Variants in NOX4 observed in about 807,000 individuals in gnomAD.
NOX4 encodes the protein NADPH oxidase 4, also known as kidney oxidase-1.
NOX4 carries 69 observed loss-of-function variants against 87.6 expected under a neutral mutation model. The ratio of observed to expected loss-of-function variants is 0.79; its 90% CI spans 0.65 to 0.96. The LOEUF (loss-of-function observed/expected upper bound fraction) is 0.96. Among genes scored for constraint, NOX4 ranks in the 40% least tolerant of loss-of-function variants. The pLI, the probability that NOX4 is intolerant of heterozygous loss-of-function variation, is 0.00. For synonymous variants in NOX4, 275 were observed against 238.2 expected (o/e 1.15, Z -1.42); for missense variants, 680 against 681.5 (o/e 1.00, Z 0.02).
chr11:89,484,831 T>C (rs1252600578), intron 2 of NOX4, among the ~76,000 whole-genome samples: 1 of 151,968 alleles, frequency 6.6e-6, no homozygotes, highest in Non-Finnish European at 1.5e-5. Flanking sequence ...ATAAGCAAAA[T>C]AACACTCATC....
chr11:89,409,052 G>A (rs541383835), intron 8 of NOX4, among the ~76,000 whole-genome samples: 1 of 151,684 alleles, frequency 6.6e-6, no homozygotes, highest in African/African-American at 2.4e-5. Context: ...CTGTTCCTCT[G>A]TACTTCACGG....
At chr11:89,482,310 C>T (rs1946424327) in intron 2 of NOX4, among the ~76,000 whole-genome samples, 1 of 152,018 alleles carries the variant, frequency 6.6e-6, no homozygotes, top group African/African-American at 2.4e-5. Context: ...AAAATGCATG[C>T]TTAGCTTCCA....
At chr11:89,357,113 G>A (rs1408231947) in intron 12 of NOX4, among the ~76,000 whole-genome samples, 3 of 152,070 alleles carry the variant, frequency 2.0e-5, no homozygotes, top group South Asian at 2.1e-4. Flanking sequence ...TTTGGAATAC[G>A]GCAGTCACAA....
intron 12 of NOX4, among the ~76,000 whole-genome samples, chr11:89,368,926 C>CT (rs1565205079): frequency 2.0e-5 from 3 of 151,950 alleles, no homozygotes; most frequent in African/African-American, 7.3e-5. Context: ...GCCTCTTAAA[C>CT]TTTTTAAAGA....
chr11:89,389,574 G>T (rs1177363171), intron 11 of NOX4, among the ~76,000 whole-genome samples: 1 of 152,148 alleles, frequency 6.6e-6, no homozygotes, highest in African/African-American at 2.4e-5. Flanking sequence ...GAGCTTAGTA[G>T]TATGGACAAT....
At chr11:89,479,009 T>C (rs78858546) in intron 2 of NOX4, among the ~76,000 whole-genome samples, 9 of 142,196 alleles carry the variant, frequency 6.3e-5, no homozygotes, top group African/African-American at 2.3e-4. Context: ...TGTTTCATCT[T>C]AAAAAAAAAA....
At chr11:89,426,112 T>C (rs1213520101) in intron 7 of NOX4, among the ~76,000 whole-genome samples, 2 of 152,172 alleles carry the variant, frequency 1.3e-5, no homozygotes, top group Non-Finnish European at 2.9e-5. Flanking sequence ...AGAATCAATA[T>C]GAATGCAGAT....
Position 89,326,729 on chromosome 11 carries a change from T to C in NOX4, c.*27A>G, listed in dbSNP as rs761654083. 35 of 1,607,346 alleles carry C rather than the reference T, an allele frequency of 2.2e-5. No individual in the cohort carries two copies. The highest frequency in any genetic ancestry group is 1.7e-4 in the Middle Eastern group (1 of 6,032). On this transcript the variant is annotated 3_prime_UTR_variant, in exon 18 of 18. Transcript: ENST00000263317. ...TTAGAAATTGCACTCATTCCTTCTTTAGAGTCCTGCTTCATGGCAAAAGTT... is the reference window on the plus strand; with the variant it reads ...TTAGAAATTGCACTCATTCCTTCTTCAGAGTCCTGCTTCATGGCAAAAGTT...
the NOX4 span, among the ~76,000 whole-genome samples, chr11:89,517,393 T>C: frequency 3.3e-5 from 5 of 152,206 alleles, no homozygotes; most frequent in East Asian, 9.7e-4. Flanking sequence ...GACCAAGCAA[T>C]CCTTCCTTTA....
chr11:89,415,431 A>G (rs1200485841), intron 8 of NOX4, among the ~76,000 whole-genome samples: 5 of 152,106 alleles, frequency 3.3e-5, no homozygotes, highest in African/African-American at 1.2e-4. Context: ...AAATGTGTCA[A>G]TGTGATATTA....
chr11:89,552,523 A>G, the NOX4 span, among the ~76,000 whole-genome samples: 1 of 151,968 alleles, frequency 6.6e-6, no homozygotes, highest in African/African-American at 2.4e-5. Flanking sequence ...AGATCTGCCC[A>G]CTCCCATTTG....
the NOX4 span, among the ~76,000 whole-genome samples, chr11:89,537,082 A>G: frequency 2.0e-5 from 3 of 152,228 alleles, no homozygotes; most frequent in African/African-American, 7.2e-5. Flanking sequence ...GAAATCCAAA[A>G]AGCAAGGCAT....
chr11:89,536,559 T>C, the NOX4 span, among the ~76,000 whole-genome samples: 3 of 152,202 alleles, frequency 2.0e-5, no homozygotes, highest in African/African-American at 7.2e-5. Flanking sequence ...AATTGATTTA[T>C]ATGTTCTTAT....
chr11:89,440,689 A>C lies in NOX4; in HGVS notation c.474T>G (p.Thr158=). The C allele has an allele frequency of 1.3e-6, 2 of 1,547,050 alleles. No homozygotes were observed. The highest frequency in any genetic ancestry group is 1.8e-6 in the Non-Finnish European group (2 of 1,134,548). Residue 158 remains threonine (T), a splice_region_variant and synonymous_variant, in exon 6 of 18, where the codon ACT becomes ACG. Transcript: ENST00000263317. ...AAAAGGCTAAGAATAACAACTTACCAGTTGTGAAGAGAAGTTTTCTAGGAT... is the reference window on the plus strand; with the variant it reads ...AAAAGGCTAAGAATAACAACTTACCCGTTGTGAAGAGAAGTTTTCTAGGAT... ...DEDPRKLLFT[T]VPGLTGVCMV...
intron 11 of NOX4, among the ~76,000 whole-genome samples, chr11:89,395,187 T>A (rs1941389358): frequency 6.6e-6 from 1 of 152,202 alleles, no homozygotes; most frequent in Non-Finnish European, 1.5e-5. Flanking sequence ...TTTTTAATGA[T>A]CATCATTCTA....
Position 89,324,633 on chromosome 11 carries a change from T to C in NOX4, c.*2123A>G, listed in dbSNP as rs559349829. Reference sequence around the variant, plus strand: ...CCTGTTTTAATGAAATTAGGTCTATTAATATGATCGCATAAATAAATTATG... The same window carrying C: ...CCTGTTTTAATGAAATTAGGTCTATCAATATGATCGCATAAATAAATTATG... On this transcript the variant is annotated 3_prime_UTR_variant, in exon 18 of 18. Transcript: ENST00000263317. The C allele has an allele frequency of 6.6e-6, 1 of 152,212 alleles. No homozygotes were observed. Among genetic ancestry groups the C allele is most frequent in the African/African-American group, 2.4e-5 (1 of 41,456 alleles). The allele number at this position is 152,212 out of a possible 1,614,324, so 9.4% of individuals were successfully genotyped here. A position where few individuals can be genotyped will look rare whatever the true frequency, so the allele number is the denominator to read the frequency against.
At chr11:89,503,306 A>G in the NOX4 span, among the ~76,000 whole-genome samples, 1 of 152,138 alleles carries the variant, frequency 6.6e-6, no homozygotes, top group South Asian at 2.1e-4. Context: ...TAAACAACAA[A>G]AGAGTCCAAT....
At chr11:89,443,451 A>G (rs1482419371) in intron 5 of NOX4, 1 of 152,190 alleles carries the variant, frequency 6.6e-6, no homozygotes, top group Admixed American at 6.6e-5. Context: ...TTTTTGATGT[A>G]GTCTTGGCAT....
chr11:89,411,379 G>A (rs1942469805), intron 8 of NOX4, among the ~76,000 whole-genome samples: 1 of 152,042 alleles, frequency 6.6e-6, no homozygotes, highest in South Asian at 2.1e-4. Context: ...TGTCTTGCAG[G>A]TTACATACCA....
Sources: gnomAD v4.1 joint callset for allele counts (sites outside exome capture counted in the v4.1 genomes callset) on GRCh38, gnomAD v4.1.1 for gene constraint, MANE v1.5 for transcripts, NCBI Gene and HGNC (gene_info 2026-07-23, HGNC 2026-07-21) for gene names.